Variants in FBXL7 observed in about 807,000 individuals in gnomAD.
FBXL7 encodes F-box/LRR-repeat protein 7.
Under a neutral mutation model 38.3 loss-of-function variants are expected in FBXL7, and 12 were observed. The observed-to-expected ratio is 0.31, with a 90% CI of 0.20 to 0.51. The LOEUF (loss-of-function observed/expected upper bound fraction) is 0.51. Among genes scored for constraint, FBXL7 ranks in the 20% least tolerant of loss-of-function variants. The pLI is 0.98. For synonymous variants in FBXL7, 297 were observed against 300.9 expected, an observed-to-expected ratio of 0.99 and a Z score of 0.13; for missense variants, 567 against 676.4, an observed-to-expected ratio of 0.84 and a Z score of 1.79.
intron 2 of FBXL7, among the ~76,000 whole-genome samples, chr5:15,741,552 T>G (rs1013864735): frequency 2.0e-5 from 3 of 152,218 alleles, no homozygotes; most frequent in African/African-American, 7.2e-5. Context: ...TCTTCCTTGC[T>G]TATTGTTTTT....
At position 15,937,604 on chromosome 5, in the gene FBXL7, G is replaced by C. The variant is rs990776584; in HGVS notation, c.*418G>C. 3.1e-4 allele frequency: 54 copies of C among 171,702 alleles called. 1 individual carries two copies. The highest frequency in any genetic ancestry group is 4.9e-4 in the Non-Finnish European group (43 of 87,768). The allele number at this position is 171,702 out of a possible 1,614,324, so 10.6% of individuals were successfully genotyped here. A position where few individuals can be genotyped will look rare whatever the true frequency, so the allele number is the denominator to read the frequency against. On this transcript the variant is annotated 3_prime_UTR_variant, in exon 4 of 4. Transcript: ENST00000504595. ...GAGCAGCAGCGAGGATCCATCATCA[G>C]AATCACAGTGCTCTCCAGACCTCCT...
intron 2 of FBXL7, among the ~76,000 whole-genome samples, chr5:15,735,852 G>C (rs954610348): frequency 6.6e-6 from 1 of 152,196 alleles, no homozygotes; most frequent in Non-Finnish European, 1.5e-5. Context: ...GGGGTATTTT[G>C]AATAGTGTGG....
intron 1 of FBXL7, among the ~76,000 whole-genome samples, chr5:15,541,443 G>GTATATATATA (rs56810372): frequency 0.019 from 729 of 38,332 alleles, 31 homozygotes; most frequent in South Asian, 0.023. Flanking sequence ...GTGTGTGTGT[G>GTATATATATA]TATATATATA....
chr5:15,784,492 GGATATTTGTCCTGCCC>G (rs1453319647), intron 2 of FBXL7, among the ~76,000 whole-genome samples: 12 of 152,078 alleles, frequency 7.9e-5, no homozygotes. Context: ...GATATGGTTT[GGATATTTGTCCTGCCC>G]AAATCTCACG....
rs73752352 is a variant in FBXL7, at chr5:15,887,679, C to G, written c.128-40211C>G. Among the ~76,000 whole-genome samples, 1,072 of 152,292 alleles carry G rather than the reference C, an allele frequency of 7.0e-3. 20 individuals carry two copies. The highest frequency in any genetic ancestry group is 0.025 in the African/African-American group (1,021 of 41,566). The stretch of plus-strand genomic sequence containing the variant: ...AACACGTAGAGTATTGGAATATTAA[C>G]TCCGCTACTCATGGGGGTTGTCACT... On this transcript the variant is annotated intron_variant, in intron 2 of 3. Coordinates refer to ENST00000504595, the MANE Select transcript of FBXL7 (RefSeq NM_012304.5).
At chr5:15,713,844 G>A (rs962354496) in intron 2 of FBXL7, among the ~76,000 whole-genome samples, 2 of 152,186 alleles carry the variant, frequency 1.3e-5, no homozygotes, top group Non-Finnish European at 2.9e-5. Flanking sequence ...AGAAAGTTTG[G>A]TGGATGATAA....
At chr5:15,935,040 G>A (rs78784383) in intron 3 of FBXL7, 13,415 of 452,606 alleles carry the variant, frequency 0.03, 328 homozygotes, top group Non-Finnish European at 0.049. Context: ...GATTGGCTCT[G>A]AGACCTGGGA....
chr5:15,701,529 T>TAA (rs1743523071), intron 2 of FBXL7, among the ~76,000 whole-genome samples: 1 of 152,202 alleles, frequency 6.6e-6, no homozygotes, highest in African/African-American at 2.4e-5. Flanking sequence ...TAATTAATAC[T>TAA]TAAATATTTG....
intron 2 of FBXL7, among the ~76,000 whole-genome samples, chr5:15,698,221 A>G (rs1176730712): frequency 2.6e-5 from 4 of 152,206 alleles, no homozygotes; most frequent in Admixed American, 2.0e-4. Flanking sequence ...CAGGATTTTT[A>G]TGAAAGCATA....
chr5:15,592,447 T>G (rs1408371395), intron 1 of FBXL7, among the ~76,000 whole-genome samples: 1 of 152,142 alleles, frequency 6.6e-6, no homozygotes, highest in Non-Finnish European at 1.5e-5. Flanking sequence ...TTGTGAAGAT[T>G]TAATGTCAGA....
intron 1 of FBXL7, among the ~76,000 whole-genome samples, chr5:15,547,784 A>G (rs1041118969): frequency 6.6e-6 from 1 of 152,178 alleles, no homozygotes; most frequent in African/African-American, 2.4e-5. Context: ...TTGCCTCAGG[A>G]TGGTGTATCC....
chr5:15,644,927 T>C (rs1741483510), intron 2 of FBXL7, among the ~76,000 whole-genome samples: 1 of 152,136 alleles, frequency 6.6e-6, no homozygotes, highest in South Asian at 2.1e-4. Context: ...ACAAGCTCCC[T>C]GCAGATCTGC....
chr5:15,513,935 G>T (rs1736867860), intron 1 of FBXL7, among the ~76,000 whole-genome samples: 1 of 151,812 alleles, frequency 6.6e-6, no homozygotes, highest in South Asian at 2.1e-4. Context: ...TCTCTTGAAA[G>T]ACCTCTCCTG....
chr5:15,661,159 T>C (rs1385563690), intron 2 of FBXL7, among the ~76,000 whole-genome samples: 1 of 152,182 alleles, frequency 6.6e-6, no homozygotes, highest in Non-Finnish European at 1.5e-5. Flanking sequence ...CTACTTTTTT[T>C]TGTTGGCTTT....
At chr5:15,575,900 A>G (rs1230116011) in intron 1 of FBXL7, among the ~76,000 whole-genome samples, 1 of 152,210 alleles carries the variant, frequency 6.6e-6, no homozygotes, top group Non-Finnish European at 1.5e-5. Flanking sequence ...ACCTATCAAC[A>G]TAGAGGTAAA....
At chr5:15,741,715 GT>G (rs1735897978) in intron 2 of FBXL7, among the ~76,000 whole-genome samples, 6 of 152,140 alleles carry the variant, frequency 3.9e-5, no homozygotes, top group Admixed American at 3.9e-4. Flanking sequence ...GTATAGTCCA[GT>G]TAACCCGTTT....
intron 1 of FBXL7, among the ~76,000 whole-genome samples, chr5:15,537,965 C>T (rs943323394): frequency 1.3e-5 from 2 of 152,172 alleles, no homozygotes; most frequent in Non-Finnish European, 2.9e-5. Context: ...AGACCCTGAG[C>T]TATGGGGAGG....
chr5:15,841,538 G>A (rs1376930467), intron 2 of FBXL7, among the ~76,000 whole-genome samples: 1 of 151,956 alleles, frequency 6.6e-6, no homozygotes, highest in African/African-American at 2.4e-5. Flanking sequence ...GATTTCTGAT[G>A]TTGAACCACC....
In FBXL7 at chr5:15,904,183, G is replaced by A. The variant is rs116612058; in HGVS notation, c.128-23707G>A. 9.5e-3 allele frequency among the ~76,000 whole-genome samples: 1,449 copies of A among 152,118 alleles called. 19 individuals carry two copies. The highest frequency in any genetic ancestry group is 0.032 in the African/African-American group (1,307 of 41,480). ...TTAGCAACTCTAATTTAAAGATGTCGTCTTGTGTTTTGATAGGTTTTCAAG... is the reference window on the plus strand; with the variant it reads ...TTAGCAACTCTAATTTAAAGATGTCATCTTGTGTTTTGATAGGTTTTCAAG... On this transcript the variant is annotated intron_variant, in intron 2 of 3. Transcript: ENST00000504595.
Sources: allele counts gnomAD v4.1 joint callset (sites outside exome capture counted in the v4.1 genomes callset), GRCh38; gene constraint gnomAD v4.1.1; transcripts MANE v1.5; gene names NCBI Gene and HGNC (gene_info 2026-07-23, HGNC 2026-07-21).